The following TMEM232 variants were observed in gnomAD, a reference collection of about 807,000 sequenced individuals.
The protein encoded by TMEM232 is transmembrane protein 232.
In TMEM232, 80 loss-of-function variants were observed where a neutral mutation model predicts 78.8. The observed-to-expected ratio is 1.01, with a 90% CI of 0.85 to 1.22. The LOEUF (loss-of-function observed/expected upper bound fraction) is 1.22. TMEM232 is among the 50% of genes most tolerant of loss of function. The pLI is 0.00. For missense variants in TMEM232, 881 were observed against 742.2 expected, an observed-to-expected ratio of 1.19 and a Z score of -2.17; for synonymous variants, 297 against 254.3, an observed-to-expected ratio of 1.17 and a Z score of -1.60.
intron 10 of TMEM232, among the ~76,000 whole-genome samples, chr5:110,602,522 C>T (rs145174461): frequency 0.034 from 5,207 of 151,744 alleles, 126 homozygotes; most frequent in African/African-American, 0.065. Flanking sequence ...TTTATGTGGC[C>T]AAAACAAGCA....
At chr5:110,688,828 C>G (rs1272754579) in intron 1 of TMEM232, among the ~76,000 whole-genome samples, 2 of 152,158 alleles carry the variant, frequency 1.3e-5, no homozygotes, top group Admixed American at 1.3e-4. Flanking sequence ...AGGTACTTGC[C>G]TCCCCCATGT....
At chr5:110,447,477 A>G (rs1277154459) in intron 12 of TMEM232, among the ~76,000 whole-genome samples, 1 of 152,176 alleles carries the variant, frequency 6.6e-6, no homozygotes, top group African/African-American at 2.4e-5. Flanking sequence ...GACAAATGCC[A>G]GTCCTATATA....
intron 2 of TMEM232, among the ~76,000 whole-genome samples, chr5:110,652,473 C>A (rs998762223): frequency 1.1e-4 from 17 of 152,314 alleles, no homozygotes; most frequent in Admixed American, 1.1e-3. Flanking sequence ...AATTCAATTT[C>A]TATGTTCAAA....
At chr5:110,483,745 A>C (rs1205003303) in intron 12 of TMEM232, among the ~76,000 whole-genome samples, 1 of 150,418 alleles carries the variant, frequency 6.6e-6, no homozygotes, top group African/African-American at 2.5e-5. Context: ...AACTTAAAGT[A>C]TAATAAAAAA....
intron 12 of TMEM232, among the ~76,000 whole-genome samples, chr5:110,431,465 GA>G (rs1170726771): frequency 3.3e-5 from 5 of 151,718 alleles, no homozygotes; most frequent in East Asian, 1.9e-4. Context: ...CATAGCAGAA[GA>G]AGGTGAACTG....
chr5:110,718,784 T>G (rs1484312260), intron 1 of TMEM232, among the ~76,000 whole-genome samples: 1 of 152,116 alleles, frequency 6.6e-6, no homozygotes, highest in Non-Finnish European at 1.5e-5. Context: ...ATTCATTTTT[T>G]TCATTTTGTT....
At chr5:110,405,451 C>A (rs1414014329) in intron 2 of TMEM232, among the ~76,000 whole-genome samples, 1 of 151,198 alleles carries the variant, frequency 6.6e-6, no homozygotes, top group Non-Finnish European at 1.5e-5. Context: ...ATAAATTGAG[C>A]TAGAAATTTC....
At chr5:110,415,492 T>C, downstream of TMEM232, among the ~76,000 whole-genome samples, 1 of 143,028 alleles carries the variant, frequency 7.0e-6, no homozygotes, top group East Asian at 2.0e-4. Flanking sequence ...CGACCCCAAC[T>C]TTTTTTTTTT....
intron 12 of TMEM232, among the ~76,000 whole-genome samples, chr5:110,478,644 A>T (rs1446160211): frequency 6.6e-6 from 1 of 151,862 alleles, no homozygotes; most frequent in Non-Finnish European, 1.5e-5. Context: ...AAACTATGAA[A>T]ATTCATTTAT....
chr5:110,665,969 T>A (rs1172310548), intron 2 of TMEM232, among the ~76,000 whole-genome samples: 1 of 151,680 alleles, frequency 6.6e-6, no homozygotes, highest in Non-Finnish European at 1.5e-5. Flanking sequence ...CTCAGGAGGC[T>A]GAGACAGGAG....
chr5:110,563,376 G>T (rs1479650619), intron 11 of TMEM232, among the ~76,000 whole-genome samples: 4 of 151,740 alleles, frequency 2.6e-5, no homozygotes, highest in Non-Finnish European at 5.9e-5. Flanking sequence ...CTCTGAAAAT[G>T]GCATATAAAT....
At chr5:110,433,391 A>G (rs114440347) in intron 12 of TMEM232, among the ~76,000 whole-genome samples, 5 of 151,948 alleles carry the variant, frequency 3.3e-5, no homozygotes, top group African/African-American at 1.2e-4. Flanking sequence ...TGGGTAAACA[A>G]TGAAATCAAA....
intron 12 of TMEM232, among the ~76,000 whole-genome samples, chr5:110,516,418 G>A (rs1008280725): frequency 1.3e-5 from 2 of 152,068 alleles, no homozygotes; most frequent in Non-Finnish European, 2.9e-5. Context: ...GTATAGATGT[G>A]GGAATTGGGT....
At chr5:110,405,248 T>C (rs1561458297) in intron 2 of TMEM232, among the ~76,000 whole-genome samples, 4 of 152,096 alleles carry the variant, frequency 2.6e-5, no homozygotes. Context: ...AATTTGATTA[T>C]AAAGATTCTG....
chr5:110,409,903 A>G (rs889005607), intron 2 of TMEM232, among the ~76,000 whole-genome samples: 4 of 152,152 alleles, frequency 2.6e-5, no homozygotes, highest in African/African-American at 4.8e-5. Context: ...AGAGTTCACT[A>G]TACTAAGGGA....
intron 12 of TMEM232, among the ~76,000 whole-genome samples, chr5:110,482,549 C>T (rs138159691): frequency 0.038 from 5,646 of 149,440 alleles, 164 homozygotes; most frequent in Non-Finnish European, 0.053. Flanking sequence ...GCACTGCACT[C>T]CAGCCTGGGC....
At chr5:110,588,090 G>A (rs779330874) in intron 10 of TMEM232, among the ~76,000 whole-genome samples, 9 of 151,810 alleles carry the variant, frequency 5.9e-5, no homozygotes, top group Non-Finnish European at 1.0e-4. Flanking sequence ...GATTCAATTG[G>A]TTCTAAGATT....
chr5:110,400,926 T>C (rs1362087198), intron 2 of TMEM232, among the ~76,000 whole-genome samples: 1 of 152,136 alleles, frequency 6.6e-6, no homozygotes, highest in African/African-American at 2.4e-5. Context: ...AGGATATAGA[T>C]ATGTATTTTG....
At chr5:110,533,070 C>T (rs763414043) in intron 11 of TMEM232, among the ~76,000 whole-genome samples, 3 of 152,132 alleles carry the variant, frequency 2.0e-5, no homozygotes, top group Non-Finnish European at 4.4e-5. Context: ...CCACAACCCA[C>T]TATTCCGTTC....
Sources: allele counts gnomAD v4.1 joint callset (sites outside exome capture counted in the v4.1 genomes callset), GRCh38; gene constraint gnomAD v4.1.1; transcripts MANE v1.5; gene names NCBI Gene and HGNC (gene_info 2026-07-23, HGNC 2026-07-21).